Variants in TRPC4 observed in about 807,000 individuals in gnomAD.
TRPC4 encodes transient receptor potential cation channel subfamily C member 4.
In TRPC4, 49 loss-of-function variants were observed where a neutral mutation model predicts 99.4. The ratio of observed to expected loss-of-function variants is 0.49; its 90% CI spans 0.39 to 0.63. TRPC4 has a LOEUF of 0.63. TRPC4 is among the 20% of genes least tolerant of loss of function. The pLI is 0.00. For missense variants in TRPC4, 898 were observed against 1,152.9 expected (o/e 0.78, Z 3.20); for synonymous variants, 454 against 425.9 (o/e 1.07, Z -0.81).
intron 3 of TRPC4, among the ~76,000 whole-genome samples, chr13:37,700,621 A>T (rs1954075142): frequency 6.6e-6 from 1 of 152,132 alleles, no homozygotes; most frequent in African/African-American, 2.4e-5. Context: ...TAATATCAAG[A>T]CCTATAGTTT....
chr13:37,693,099 A>G (rs921421576), intron 3 of TRPC4, among the ~76,000 whole-genome samples: 4 of 152,188 alleles, frequency 2.6e-5, no homozygotes, highest in African/African-American at 9.6e-5. Flanking sequence ...CTATCAAATT[A>G]TGAGATGTTT....
intron 1 of TRPC4, among the ~76,000 whole-genome samples, chr13:37,799,364 CT>C (rs1343451417): frequency 1.3e-5 from 2 of 152,120 alleles, no homozygotes; most frequent in Non-Finnish European, 1.5e-5. Flanking sequence ...CTAGATAATT[CT>C]TTTTTTGTTT....
intron 7 of TRPC4, 42 bp from the exon 8 acceptor site, chr13:37,651,501 T>G (rs1432966647): frequency 1.3e-6 from 2 of 1,549,676 alleles, no homozygotes; most frequent in Non-Finnish European, 8.9e-7. Context: ...GTTCCTTAAT[T>G]AACAAGGTAC....
chr13:37,696,118 C>G (rs1441087976), intron 3 of TRPC4, among the ~76,000 whole-genome samples: 1 of 152,192 alleles, frequency 6.6e-6, no homozygotes, highest in Non-Finnish European at 1.5e-5. Flanking sequence ...GCACATCTCA[C>G]ATGATGGCAG....
chr13:37,658,059 G>A (rs1351225920), intron 6 of TRPC4, among the ~76,000 whole-genome samples: 1 of 152,130 alleles, frequency 6.6e-6, no homozygotes, highest in Non-Finnish European at 1.5e-5. Flanking sequence ...ACTGCTTTCA[G>A]AAATGTTTTT....
intron 3 of TRPC4, among the ~76,000 whole-genome samples, chr13:37,717,620 A>G (rs544319694): frequency 6.6e-6 from 1 of 152,268 alleles, no homozygotes; most frequent in South Asian, 2.1e-4. Context: ...AATGAAATAT[A>G]GAGGGAAGAC....
At chr13:37,668,989 A>G (rs9594229) in intron 5 of TRPC4, among the ~76,000 whole-genome samples, 73,985 of 151,872 alleles carry the variant, frequency 0.49, 18,559 homozygotes, top group Middle Eastern at 0.57. Context: ...AATACCTTAG[A>G]CAATCCCACA....
intron 4 of TRPC4, among the ~76,000 whole-genome samples, chr13:37,688,810 G>A (rs959211891): frequency 1.3e-5 from 2 of 152,040 alleles, no homozygotes; most frequent in Non-Finnish European, 2.9e-5. Flanking sequence ...CTACCACTGA[G>A]ACAATTAACA....
intron 5 of TRPC4, 31 bp from the exon 6 acceptor site, chr13:37,663,760 A>G (rs754291258): frequency 2.9e-5 from 45 of 1,558,574 alleles, no homozygotes; most frequent in Admixed American, 9.5e-5. Flanking sequence ...AAGGGAAAGT[A>G]AAACAAACAC....
intron 1 of TRPC4, among the ~76,000 whole-genome samples, chr13:37,818,056 C>G (rs975634242): frequency 6.6e-6 from 1 of 151,764 alleles, no homozygotes; most frequent in Non-Finnish European, 1.5e-5. Context: ...TAAACTAAAG[C>G]GCTTTTGCAT....
Position 37,674,450 on chromosome 13 carries a change from C to A in TRPC4, c.1235-83G>T, listed in dbSNP as rs879136509. 8.3e-6 allele frequency: 12 copies of A among 1,452,244 alleles called. No individual in the cohort carries two copies. The Admixed American group carries it at 2.6e-4, about 31-fold the overall frequency. The allele number at this position is 1,452,244 out of a possible 1,614,324, so 90.0% of individuals were successfully genotyped here. On this transcript the variant is annotated intron_variant, in intron 4 of 10. Coordinates refer to ENST00000379705, the MANE Select transcript of TRPC4 (RefSeq NM_016179.4). ...AATATACAATTTAACAATTATAGATCTCGAAGCTACAAGAGACCACATTGT... is the reference window on the plus strand; with the variant it reads ...AATATACAATTTAACAATTATAGATATCGAAGCTACAAGAGACCACATTGT...
At chr13:37,855,922 C>T (rs1002609329) in intron 1 of TRPC4, among the ~76,000 whole-genome samples, 2 of 151,554 alleles carry the variant, frequency 1.3e-5, no homozygotes, top group African/African-American at 4.8e-5. Context: ...GTGCCTACAT[C>T]AGAAAGAGGA....
intron 1 of TRPC4, among the ~76,000 whole-genome samples, chr13:37,796,019 G>A (rs918925299): frequency 6.6e-6 from 1 of 152,028 alleles, no homozygotes; most frequent in Non-Finnish European, 1.5e-5. Context: ...GGTCAGATGT[G>A]GTAAAAACCT....
chr13:37,664,393 G>A (rs1952564480), intron 5 of TRPC4, among the ~76,000 whole-genome samples: 1 of 152,028 alleles, frequency 6.6e-6, no homozygotes, highest in South Asian at 2.1e-4. Context: ...GACCAACATG[G>A]AGAAACCCCG....
chr13:37,752,075 CTATATATATA>C (rs10528143), intron 2 of TRPC4, among the ~76,000 whole-genome samples: 16 of 73,950 alleles, frequency 2.2e-4, no homozygotes, highest in South Asian at 4.4e-4. Context: ...AAGCAGAAAA[CTATATATATA>C]TATATATATA....
intron 8 of TRPC4, 27 bp downstream of exon 8, chr13:37,651,238 A>G (rs1480361923): frequency 6.2e-6 from 10 of 1,612,312 alleles, no homozygotes; most frequent in Non-Finnish European, 8.5e-6. Context: ...TTAAAAAAAG[A>G]GTAATACTAA....
intron 8 of TRPC4, among the ~76,000 whole-genome samples, chr13:37,645,112 T>C (rs1417652134): frequency 6.6e-6 from 1 of 151,936 alleles, no homozygotes; most frequent in African/African-American, 2.4e-5. Flanking sequence ...GTGTGGAATA[T>C]TCCTTGGCAA....
At chr13:37,773,323 G>A (rs547998260) in intron 2 of TRPC4, among the ~76,000 whole-genome samples, 3 of 151,738 alleles carry the variant, frequency 2.0e-5, no homozygotes, top group Non-Finnish European at 2.9e-5. Context: ...TCTCTGAGCC[G>A]CAATTTTTTT....
In TRPC4 at chr13:37,636,207, C is replaced by T. The variant is rs951827343; in HGVS notation, c.*696G>A. On this transcript the variant is annotated 3_prime_UTR_variant, in exon 11 of 11. Coordinates refer to ENST00000379705, the MANE Select transcript of TRPC4 (RefSeq NM_016179.4). ...TAGGTAATTAAAAAAACTGGAGGGGCGAGTTTTTTTCCTGACAAAATGTCG... is the reference window on the plus strand; with the variant it reads ...TAGGTAATTAAAAAAACTGGAGGGGTGAGTTTTTTTCCTGACAAAATGTCG... Among the ~76,000 whole-genome samples the T allele has an allele frequency of 1.3e-4, 20 of 151,670 alleles. No homozygotes were observed. Among genetic ancestry groups the T allele is most frequent in the African/African-American group, 1.9e-4 (8 of 41,300 alleles).
Sources: gnomAD v4.1 joint callset for allele counts (sites outside exome capture counted in the v4.1 genomes callset) on GRCh38, gnomAD v4.1.1 for gene constraint, MANE v1.5 for transcripts, NCBI Gene and HGNC (gene_info 2026-07-23, HGNC 2026-07-21) for gene names.